Variants in CTNNA3 observed in about 807,000 individuals in gnomAD.
CTNNA3 encodes catenin alpha 3.
Under a neutral mutation model 95.7 loss-of-function variants are expected in CTNNA3, and 76 were observed. The ratio of observed to expected loss-of-function variants is 0.79; its 90% CI spans 0.66 to 0.96. The LOEUF (loss-of-function observed/expected upper bound fraction) is 0.96. Ranked by LOEUF, CTNNA3 falls within the 40% of genes least tolerant of loss-of-function variation. The probability of loss-of-function intolerance (pLI) is 0.00; values close to 1 mark genes in which losing one functional copy is unlikely to be tolerated. For synonymous variants in CTNNA3, 431 were observed against 374.4 expected, an observed-to-expected ratio of 1.15 and a Z score of -1.74; for missense variants, 1,191 against 1,089.8, an observed-to-expected ratio of 1.09 and a Z score of -1.31.
intron 10 of CTNNA3, among the ~76,000 whole-genome samples, chr10:66,606,328 C>T (rs966596243): frequency 2.6e-5 from 4 of 152,088 alleles, no homozygotes; most frequent in African/African-American, 7.2e-5. Context: ...TACTGGGAGA[C>T]TTCAATACCT....
At chr10:67,315,224 C>A (rs891204699) in intron 5 of CTNNA3, among the ~76,000 whole-genome samples, 5 of 152,166 alleles carry the variant, frequency 3.3e-5, no homozygotes, top group African/African-American at 1.2e-4. Context: ...CATTTTATTG[C>A]CTAACAGGCA....
At chr10:65,948,936 A>G (rs2077567205) in intron 17 of CTNNA3, among the ~76,000 whole-genome samples, 1 of 152,202 alleles carries the variant, frequency 6.6e-6, no homozygotes, top group Non-Finnish European at 1.5e-5. Flanking sequence ...AGAGTAACTA[A>G]TTAATCCCAA....
intron 15 of CTNNA3, among the ~76,000 whole-genome samples, chr10:66,061,901 T>A (rs929826633): frequency 1.3e-5 from 2 of 152,170 alleles, no homozygotes; most frequent in Non-Finnish European, 2.9e-5. Flanking sequence ...AACATAATTA[T>A]TGTTATCTCT....
chr10:65,952,073 T>C (rs188248582), intron 17 of CTNNA3, among the ~76,000 whole-genome samples: 1 of 150,720 alleles, frequency 6.6e-6, no homozygotes, highest in East Asian at 1.9e-4. Flanking sequence ...TCATTGTTTA[T>C]AAAATGAATA....
At chr10:67,296,934 CAAAAAAAAAAAA>C (rs1210482029) in intron 5 of CTNNA3, among the ~76,000 whole-genome samples, 11 of 17,662 alleles carry the variant, frequency 6.2e-4, no homozygotes, top group East Asian at 2.2e-3. Flanking sequence ...AACGCTGTCT[CAAAAAAAAAAAA>C]AAAAAAAAAA....
At chr10:67,237,119 GGTGTAT>G (rs1164573340) in intron 5 of CTNNA3, among the ~76,000 whole-genome samples, 1,554 of 44,726 alleles carry the variant, frequency 0.035, 25 homozygotes, top group South Asian at 0.09. Context: ...AAGAAACTAT[GGTGTAT>G]GTATATATAT....
chr10:67,462,289 T>G (rs1221559683), intron 5 of CTNNA3, among the ~76,000 whole-genome samples: 1 of 152,222 alleles, frequency 6.6e-6, no homozygotes, highest in Non-Finnish European at 1.5e-5. Context: ...GGAGATGCTG[T>G]AAGTCAGCAC....
chr10:67,195,050 A>G (rs1440510949), intron 6 of CTNNA3, among the ~76,000 whole-genome samples: 6 of 151,858 alleles, frequency 4.0e-5, no homozygotes. Flanking sequence ...ATGTGTCTGG[A>G]ATATCTGGTG....
At chr10:66,625,221 T>A (rs1486453259) in intron 9 of CTNNA3, among the ~76,000 whole-genome samples, 1 of 152,130 alleles carries the variant, frequency 6.6e-6, no homozygotes, top group African/African-American at 2.4e-5. Flanking sequence ...CCTTCTGCCC[T>A]CTAAAATGTA....
chr10:66,913,276 A>G (rs1846317505), intron 7 of CTNNA3, among the ~76,000 whole-genome samples: 2 of 150,200 alleles, frequency 1.3e-5, no homozygotes, highest in Admixed American at 1.3e-4. Flanking sequence ...GAAAAAGAAA[A>G]AAGAAATGAG....
At chr10:66,417,069 A>G (rs2093152751) in intron 11 of CTNNA3, among the ~76,000 whole-genome samples, 1 of 152,100 alleles carries the variant, frequency 6.6e-6, no homozygotes. Context: ...AATGGATTAA[A>G]TTCTTCACTT....
intron 7 of CTNNA3, among the ~76,000 whole-genome samples, chr10:66,985,175 AG>A (rs1011292741): frequency 1.6e-4 from 24 of 152,304 alleles, no homozygotes; most frequent in Middle Eastern, 6.8e-3. Context: ...CACCTTTATC[AG>A]TCATGGGTGA....
intron 14 of CTNNA3, among the ~76,000 whole-genome samples, chr10:66,077,711 A>ATC (rs780966716): frequency 0.082 from 12,456 of 151,696 alleles, 754 homozygotes; most frequent in East Asian, 0.19. Context: ...GAGCCCCTAA[A>ATC]ACAAGATGCT....
At position 67,305,263 on chromosome 10, in the gene CTNNA3, G is replaced by C. The variant is rs137962676; in HGVS notation, c.580-85393C>G. ...TGCACTCCAGCCTGGGTGACAGAGC[G>C]AGACTCCACGTTAGTGGGTGCAGCG... On this transcript the variant is annotated intron_variant, in intron 5 of 17. Coordinates refer to ENST00000433211, the MANE Select transcript of CTNNA3 (RefSeq NM_013266.4). 4.2e-3 allele frequency among the ~76,000 whole-genome samples: 643 copies of C among 151,908 alleles called. 5 individuals are homozygous for C. The highest frequency in any genetic ancestry group is 0.015 in the African/African-American group (615 of 41,424).
chr10:66,379,233 C>T lies in CTNNA3; in HGVS notation c.1651G>A (p.Val551Ile), dbSNP rs750835711. The change falls in exon 12 of 18, where the codon GTC becomes ATC. Residue 551 changes from valine to isoleucine, a missense_variant. By Grantham distance (29) the Val-to-Ile change is conservative. Coordinates refer to ENST00000433211, the MANE Select transcript of CTNNA3 (RefSeq NM_013266.4). ...RGRAARVAHI[V>I]TGEMDSYEPG... ...TCGTAACTGTCCATTTCACCCGTGACGATGTGAGCAACTCTTGCTGCCCGG... is the reference window on the plus strand; with the variant it reads ...TCGTAACTGTCCATTTCACCCGTGATGATGTGAGCAACTCTTGCTGCCCGG... The T allele has an allele frequency of 5.4e-5, 87 of 1,614,026 alleles. No individual in the cohort carries two copies. The highest frequency in any genetic ancestry group is 1.6e-4 in the Middle Eastern group (1 of 6,084).
intron 10 of CTNNA3, among the ~76,000 whole-genome samples, chr10:66,620,789 G>A (rs1844717651): frequency 6.6e-6 from 1 of 152,146 alleles, no homozygotes; most frequent in Non-Finnish European, 1.5e-5. Flanking sequence ...TATTCTTAGA[G>A]ATGAAATTGT....
intron 15 of CTNNA3, among the ~76,000 whole-genome samples, chr10:65,993,916 A>G (rs926898276): frequency 1.3e-5 from 2 of 152,034 alleles, no homozygotes; most frequent in Non-Finnish European, 1.5e-5. Flanking sequence ...TCGTATTTTT[A>G]GCAGAGACAG....
intron 11 of CTNNA3, among the ~76,000 whole-genome samples, chr10:66,391,331 C>A (rs752418866): frequency 1.3e-5 from 2 of 152,060 alleles, no homozygotes; most frequent in Non-Finnish European, 2.9e-5. Flanking sequence ...AAAAGAAAGT[C>A]ATTGAAGGCT....
intron 2 of CTNNA3, among the ~76,000 whole-genome samples, chr10:67,637,514 T>C (rs183730260): frequency 1.3e-5 from 2 of 152,188 alleles, no homozygotes; most frequent in East Asian, 3.9e-4. Context: ...ATACAGAGAA[T>C]ACCACAAAGA....
Sources: gnomAD v4.1 joint callset for allele counts (sites outside exome capture counted in the v4.1 genomes callset) on GRCh38, gnomAD v4.1.1 for gene constraint, MANE v1.5 for transcripts, NCBI Gene and HGNC (gene_info 2026-07-23, HGNC 2026-07-21) for gene names.